Variants in SLC26A7 observed in about 807,000 individuals in gnomAD.
The protein encoded by SLC26A7 is anion exchange transporter.
Under a neutral mutation model 82.5 loss-of-function variants are expected in SLC26A7, and 59 were observed. The observed-to-expected ratio is 0.72, with a 90% CI of 0.58 to 0.89. The LOEUF is 0.89. SLC26A7 is among the 40% of genes least tolerant of loss of function. The pLI is 0.00. For missense variants in SLC26A7, 820 were observed against 793.0 expected (o/e 1.03, Z -0.41); for synonymous variants, 271 against 274.3 (o/e 0.99, Z 0.12).
At chr8:91,288,601 T>A (rs533467861) in intron 2 of SLC26A7, among the ~76,000 whole-genome samples, 1 of 108,242 alleles carries the variant, frequency 9.2e-6, no homozygotes, top group East Asian at 2.7e-4. Context: ...AGCACATGGG[T>A]TTATTCATCG....
chr8:91,272,928 AACAG>A (rs1346526056), intron 2 of SLC26A7, among the ~76,000 whole-genome samples: 1 of 152,210 alleles, frequency 6.6e-6, no homozygotes, highest in African/African-American at 2.4e-5. Flanking sequence ...ATGTTATCTG[AACAG>A]ACAAAGGCAG....
At chr8:91,211,380 G>A (rs1016322505) in intron 1 of SLC26A7, among the ~76,000 whole-genome samples, 7 of 151,362 alleles carry the variant, frequency 4.6e-5, no homozygotes, top group African/African-American at 1.5e-4. Flanking sequence ...AATATTTAAA[G>A]ATTGATAAAG....
intron 9 of SLC26A7, 29 bp downstream of exon 9, chr8:91,343,495 C>T: frequency 6.6e-7 from 1 of 1,513,466 alleles, no homozygotes; most frequent in East Asian, 2.3e-5. Flanking sequence ...AGGGACAAAG[C>T]ACTGCTGGGC....
chr8:91,354,124 T>C (rs140286250), intron 11 of SLC26A7, among the ~76,000 whole-genome samples: 59 of 152,202 alleles, frequency 3.9e-4, no homozygotes, highest in African/African-American at 1.4e-3. Flanking sequence ...TGATACATGT[T>C]AGGTGGCTCA....
intron 11 of SLC26A7, among the ~76,000 whole-genome samples, chr8:91,354,882 C>T (rs935109242): frequency 6.6e-6 from 1 of 151,928 alleles, no homozygotes; most frequent in African/African-American, 2.4e-5. Flanking sequence ...TATTTAGATG[C>T]ATTTAGTGGT....
intron 2 of SLC26A7, among the ~76,000 whole-genome samples, chr8:91,251,501 A>G (rs529372808): frequency 6.6e-6 from 1 of 152,272 alleles, no homozygotes; most frequent in South Asian, 2.1e-4. Context: ...TATTTTTAAA[A>G]TGTCTATTCT....
intron 11 of SLC26A7, among the ~76,000 whole-genome samples, chr8:91,358,350 G>A (rs1428156075): frequency 1.4e-5 from 2 of 146,592 alleles, no homozygotes; most frequent in Non-Finnish European, 3.0e-5. Flanking sequence ...TTTTTTTGAG[G>A]CATAGTCTCA....
At chr8:91,339,852 T>C (rs1813352347) in intron 7 of SLC26A7, among the ~76,000 whole-genome samples, 1 of 152,150 alleles carries the variant, frequency 6.6e-6, no homozygotes, top group Non-Finnish European at 1.5e-5. Context: ...GTTAGTTAGA[T>C]GGAGCCTTTA....
At chr8:91,356,652 G>T (rs1366965943) in intron 11 of SLC26A7, among the ~76,000 whole-genome samples, 2 of 152,160 alleles carry the variant, frequency 1.3e-5, no homozygotes, top group African/African-American at 2.4e-5. Flanking sequence ...TGAGTAGGTT[G>T]TGAAAATTTT....
At chr8:91,232,987 C>G (rs952411636) in intron 2 of SLC26A7, among the ~76,000 whole-genome samples, 5 of 152,158 alleles carry the variant, frequency 3.3e-5, no homozygotes, top group Non-Finnish European at 7.4e-5. Flanking sequence ...TAATGTTCAT[C>G]AGGAGAATTG....
At chr8:91,348,723 G>A (rs1813634187) in intron 9 of SLC26A7, among the ~76,000 whole-genome samples, 1 of 150,600 alleles carries the variant, frequency 6.6e-6, no homozygotes, top group Admixed American at 6.6e-5. Context: ...TTTTTTTCCT[G>A]AGATTAAAAA....
At chr8:91,318,158 C>A (rs892654801) in intron 4 of SLC26A7, 58 bp from the exon 5 acceptor site, 49 of 1,467,052 alleles carry the variant, frequency 3.3e-5, no homozygotes, top group Non-Finnish European at 4.2e-5. Flanking sequence ...ATTAAGCCCT[C>A]TGGGAACTTT....
chr8:91,326,390 C>A (rs184646092), intron 5 of SLC26A7, among the ~76,000 whole-genome samples: 28 of 152,168 alleles, frequency 1.8e-4, no homozygotes, highest in Non-Finnish European at 3.7e-4. Context: ...TTGAGGCCTC[C>A]CCGCTTGGCT....
At chr8:91,324,314 G>C (rs896203036) in intron 5 of SLC26A7, among the ~76,000 whole-genome samples, 1 of 152,232 alleles carries the variant, frequency 6.6e-6, no homozygotes, top group Non-Finnish European at 1.5e-5. Flanking sequence ...TAAAGGATCA[G>C]AGTTGGCTTT....
intron 9 of SLC26A7, among the ~76,000 whole-genome samples, chr8:91,347,373 T>C (rs1813590505): frequency 6.6e-6 from 1 of 152,232 alleles, no homozygotes; most frequent in Non-Finnish European, 1.5e-5. Flanking sequence ...GCCACATTTT[T>C]AGAAGTAGAA....
intron 4 of SLC26A7, among the ~76,000 whole-genome samples, chr8:91,308,249 G>A (rs986288533): frequency 3.4e-5 from 4 of 118,790 alleles, no homozygotes; most frequent in Non-Finnish European, 7.5e-5. Flanking sequence ...AGGAAGAGGT[G>A]TGTGTGTGTG....
intron 2 of SLC26A7, among the ~76,000 whole-genome samples, chr8:91,254,626 G>T (rs948469483): frequency 6.6e-6 from 1 of 151,890 alleles, no homozygotes. Context: ...CTGCCAAAGG[G>T]GTGGTTACCC....
chr8:91,259,481 G>A (rs12547114), intron 2 of SLC26A7, among the ~76,000 whole-genome samples: 79,643 of 151,946 alleles, frequency 0.52, 23,517 homozygotes, highest in South Asian at 0.68. Context: ...CACCTAGAAG[G>A]CAGTTATGGC....
chr8:91,248,661 C>T (rs1810582436), upstream of SLC26A7, among the ~76,000 whole-genome samples: 1 of 151,784 alleles, frequency 6.6e-6, no homozygotes, highest in South Asian at 2.1e-4. Context: ...GAACACCTAC[C>T]CCCAAAAGTT....
Sources: allele counts gnomAD v4.1 joint callset (sites outside exome capture counted in the v4.1 genomes callset), GRCh38; gene constraint gnomAD v4.1.1; transcripts MANE v1.5; gene names NCBI Gene and HGNC (gene_info 2026-07-23, HGNC 2026-07-21).